The following CPSF3 variants were observed in gnomAD, a reference collection of about 807,000 sequenced individuals.
CPSF3 encodes cleavage and polyadenylation specific factor 3.
CPSF3 carries 57 observed loss-of-function variants against 84.1 expected under a neutral mutation model. The ratio of observed to expected loss-of-function variants is 0.68; its 90% confidence interval spans 0.55 to 0.85. The LOEUF is 0.85. Among genes scored for constraint, CPSF3 ranks in the 40% least tolerant of loss-of-function variants. The pLI is 0.00. For synonymous variants in CPSF3, 275 were observed against 278.1 expected, an observed-to-expected ratio of 0.99 and a Z score of 0.11; for missense variants, 522 against 838.8, an observed-to-expected ratio of 0.62 and a Z score of 4.66.
chr2:9,440,667 G>T lies in CPSF3; in HGVS notation c.936+1G>T. ...TTTCAAACACATTAGTAACCTCAAG[G>T]TGAGTGCTTGTGGAAGAAAGACAAG... On this transcript the variant is annotated splice_donor_variant, in intron 8 of 17. Coordinates refer to ENST00000238112, the MANE Select transcript of CPSF3 (RefSeq NM_016207.4). LOFTEE classifies it high-confidence loss of function. 2 of 1,613,934 alleles carry T rather than the reference G, an allele frequency of 1.2e-6. No individual in the cohort carries two copies. The highest frequency in any genetic ancestry group is 1.7e-6 in the Non-Finnish European group (2 of 1,179,890).
At chr2:9,472,805 C>A in intron 17 of CPSF3, 111 bp from the exon 18 acceptor site, 1 of 787,144 alleles carries the variant, frequency 1.3e-6, no homozygotes, top group Non-Finnish European at 2.2e-6. Flanking sequence ...CACGCCACCA[C>A]AGCTGGCTAA....
At chr2:9,445,489 G>GT (rs1681099183) in intron 10 of CPSF3, among the ~76,000 whole-genome samples, 1 of 152,136 alleles carries the variant, frequency 6.6e-6, no homozygotes, top group Non-Finnish European at 1.5e-5. Context: ...TCGTTTTTGA[G>GT]TTTTTTCTAG....
intron 1 of CPSF3, chr2:9,424,379 C>T (rs752487365): frequency 2.4e-5 from 14 of 578,788 alleles, no homozygotes; most frequent in Non-Finnish European, 3.1e-5. Flanking sequence ...AGAGAAAGTG[C>T]AGAGGTGTTA....
chr2:9,444,198 A>G (rs1681052706), intron 10 of CPSF3, among the ~76,000 whole-genome samples: 1 of 142,236 alleles, frequency 7.0e-6, no homozygotes, highest in Non-Finnish European at 1.5e-5. Context: ...TCTGTCACCC[A>G]GGCTGACTGC....
chr2:9,431,941 G>A (rs1439241876), intron 4 of CPSF3, among the ~76,000 whole-genome samples: 4 of 152,164 alleles, frequency 2.6e-5, no homozygotes, highest in Non-Finnish European at 4.4e-5. Flanking sequence ...GAGGCACAGC[G>A]AGGTTAGGTT....
intron 16 of CPSF3, among the ~76,000 whole-genome samples, chr2:9,470,405 G>A (rs1432265556): frequency 6.6e-6 from 1 of 152,164 alleles, no homozygotes; most frequent in Non-Finnish European, 1.5e-5. Flanking sequence ...TGGTCCATGG[G>A]TTGTTTAGAG....
intron 17 of CPSF3, 28 bp from the exon 18 acceptor site, chr2:9,472,887 TA>T (rs779583167): frequency 1.5e-6 from 2 of 1,351,986 alleles, no homozygotes; most frequent in East Asian, 4.6e-5. Context: ...GACTTAATTC[TA>T]ACAGTCTTGT....
intron 15 of CPSF3, among the ~76,000 whole-genome samples, chr2:9,464,537 G>A (rs558117129): frequency 6.6e-6 from 1 of 151,230 alleles, no homozygotes; most frequent in African/African-American, 2.4e-5. Flanking sequence ...AGTTTTCTTG[G>A]CTAGCACCTG....
chr2:9,443,773 C>A, intron 10 of CPSF3, 112 bp downstream of exon 10: 1 of 1,149,142 alleles, frequency 8.7e-7, no homozygotes, highest in Non-Finnish European at 1.3e-6. Flanking sequence ...ATGCGACACC[C>A]CCTGAGCAGA....
At position 9,429,916 on chromosome 2, in the gene CPSF3, C is replaced by A. The variant is rs1282772065; in HGVS notation, c.115-7C>A. 3.8e-6 allele frequency: 6 copies of A among 1,575,388 alleles called. No homozygotes were observed. In the Admixed American group the frequency reaches 9.4e-5, roughly 25 times the overall value. On this transcript the variant is annotated splice_polypyrimidine_tract_variant and splice_region_variant and intron_variant, in intron 2 of 17. Coordinates refer to ENST00000238112, the MANE Select transcript of CPSF3 (RefSeq NM_016207.4). ...GAGATTGTGATCTCTTTTCCTGTTTCTTTCAGCTCGACTGTGGGATCCACC... is the reference window on the plus strand; with the variant it reads ...GAGATTGTGATCTCTTTTCCTGTTTATTTCAGCTCGACTGTGGGATCCACC...
Position 9,436,425 on chromosome 2 carries a change from G to T in CPSF3, c.760+64G>T, listed in dbSNP as rs1000281044. 4.7e-6 allele frequency: 7 copies of T among 1,503,990 alleles called. No homozygotes were observed. The South Asian group carries it at 6.4e-5, about 14-fold the overall frequency. 93.2% of individuals were successfully genotyped at this position (1,503,990 alleles called of 1,614,324 possible). A position where few individuals can be genotyped will look rare whatever the true frequency, so the allele number is the denominator to read the frequency against. ...CTTGTCATTTTATCAAGATAATAAT[G>T]TGGTCTTGGATGAGTCATTCCACCG... is the stretch of plus-strand genomic sequence containing the variant. On this transcript the variant is annotated intron_variant, in intron 7 of 17. Transcript: ENST00000238112.
intron 12 of CPSF3, among the ~76,000 whole-genome samples, chr2:9,453,889 C>G (rs1217507465): frequency 6.6e-6 from 1 of 151,114 alleles, no homozygotes; most frequent in Non-Finnish European, 1.5e-5. Context: ...GACTCCATCT[C>G]AAAAAAAAGG....
chr2:9,443,477 G>T, intron 9 of CPSF3, 38 bp from the exon 10 acceptor site: 1 of 1,585,396 alleles, frequency 6.3e-7, no homozygotes, highest in South Asian at 1.1e-5. Flanking sequence ...GATTATAACT[G>T]GGTAGTTTGT....
intron 12 of CPSF3, among the ~76,000 whole-genome samples, chr2:9,453,618 T>C (rs1339919011): frequency 1.3e-5 from 2 of 152,074 alleles, no homozygotes; most frequent in African/African-American, 4.8e-5. Flanking sequence ...TTGGGCAGGG[T>C]GCAGTAGCTC....
At chr2:9,462,238 G>A (rs901068115) in intron 15 of CPSF3, among the ~76,000 whole-genome samples, 1 of 152,148 alleles carries the variant, frequency 6.6e-6, no homozygotes, top group African/African-American at 2.4e-5. Context: ...TCCTATCTTA[G>A]TCTGTTCAGT....
At position 9,471,397 on chromosome 2, in the gene CPSF3, CACAGTGGACGGG is replaced by C. The variant is rs754191119; in HGVS notation, c.1913_1924del (p.Thr638_Gly641del). Reference sequence around the variant, plus strand: ...TAAAGGATGACTCTATTCTTAGCGTCACAGTGGACGGGAAAACTGCCAACCTTAACTTGGAGA... The same window carrying C: ...TAAAGGATGACTCTATTCTTAGCGTCAAAACTGCCAACCTTAACTTGGAGA... On this transcript the variant is annotated inframe_deletion, in exon 17 of 18. Transcript: ENST00000238112. The C allele has an allele frequency of 6.2e-7, 1 of 1,612,774 alleles. No individual in the cohort carries two copies. Among genetic ancestry groups the C allele is most frequent in the Non-Finnish European group, 8.5e-7 (1 of 1,178,842 alleles).
At chr2:9,448,128 A>G in intron 10 of CPSF3, 70 bp from the exon 11 acceptor site, 1 of 807,088 alleles carries the variant, frequency 1.2e-6, no homozygotes, top group East Asian at 2.9e-5. Flanking sequence ...CATATATTTA[A>G]TTCAACTTAA....
chr2:9,461,081 A>G (rs1486536272), intron 15 of CPSF3, among the ~76,000 whole-genome samples: 1 of 152,184 alleles, frequency 6.6e-6, no homozygotes, highest in East Asian at 1.9e-4. Flanking sequence ...TACTTAGACA[A>G]TCTAAATCTG....
Position 9,443,523 on chromosome 2 carries a change from G to A in CPSF3, c.1104G>A (p.Met368Ile). 1 of 1,613,090 alleles carries A rather than the reference G, an allele frequency of 6.2e-7. No homozygotes were observed. The highest frequency in any genetic ancestry group is 8.5e-7 in the Non-Finnish European group (1 of 1,179,320). The change falls in exon 10 of 18, where the codon ATG becomes ATA. Residue 368 changes from methionine to isoleucine, a missense_variant. Coordinates refer to ENST00000238112, the MANE Select transcript of CPSF3 (RefSeq NM_016207.4). ...CVEGTLAKHI[M>I]SEPEEITTMS... Reference sequence around the variant, plus strand: ...TTCTTTATTTTCCACAGCACATCATGTCTGAACCTGAAGAAATCACTACTA... The same window carrying A: ...TTCTTTATTTTCCACAGCACATCATATCTGAACCTGAAGAAATCACTACTA...
Sources: gnomAD v4.1 joint callset for allele counts (sites outside exome capture counted in the v4.1 genomes callset) on GRCh38, gnomAD v4.1.1 for gene constraint, MANE v1.5 for transcripts, NCBI Gene and HGNC (gene_info 2026-07-23, HGNC 2026-07-21) for gene names.